The following GRIA3 variants were observed in gnomAD, a reference collection of about 807,000 sequenced individuals.
GRIA3 encodes glutamate ionotropic receptor AMPA type subunit 3.
In GRIA3, 3 loss-of-function variants were observed where a neutral mutation model predicts 63.0. That is an observed-to-expected ratio of 0.05 (90% confidence interval 0.02 to 0.12). The LOEUF (loss-of-function observed/expected upper bound fraction) is 0.12, where lower values mean the gene tolerates loss of function less well. Ranked by LOEUF, GRIA3 falls within the 10% of genes least tolerant of loss-of-function variation. The pLI is 1.00. For synonymous variants in GRIA3, 274 were observed against 257.9 expected, an observed-to-expected ratio of 1.06 and a Z score of -0.60; for missense variants, 347 against 700.9, an observed-to-expected ratio of 0.50 and a Z score of 5.70.
At chrX:123,191,448 C>A (rs911152063) in intron 2 of GRIA3, among the ~76,000 whole-genome samples, 1 of 111,781 alleles carries the variant, frequency 8.9e-6, no homozygotes. Flanking sequence ...AGCCTCAGCC[C>A]GTGTGTGGGA....
At chrX:123,228,864 G>A (rs911812172) in intron 2 of GRIA3, among the ~76,000 whole-genome samples, 1 of 111,873 alleles carries the variant, frequency 8.9e-6, no homozygotes, top group Non-Finnish European at 1.9e-5. Context: ...ATGGAGTGAA[G>A]TTAGGGTTGC....
chrX:123,461,775 C>T (rs770761287), intron 12 of GRIA3, among the ~76,000 whole-genome samples: 1 of 110,793 alleles, frequency 9.0e-6, no homozygotes, highest in East Asian at 2.8e-4. Context: ...GACAAAACAA[C>T]GATGGAGCCT....
intron 1 of GRIA3, 93 bp downstream of exon 1, chrX:123,184,737 G>A: frequency 1.6e-6 from 1 of 643,627 alleles, no homozygotes; most frequent in Non-Finnish European, 2.6e-6. Flanking sequence ...TCCCTGTCCT[G>A]CGTGGCCTGG....
intron 12 of GRIA3, among the ~76,000 whole-genome samples, chrX:123,456,312 G>C (rs1354902964): frequency 9.0e-6 from 1 of 110,930 alleles, no homozygotes; most frequent in African/African-American, 3.3e-5. Flanking sequence ...CACCCAGAAA[G>C]CTTTATGGAA....
At chrX:123,215,093 T>C (rs936848412) in intron 2 of GRIA3, among the ~76,000 whole-genome samples, 5 of 112,197 alleles carry the variant, frequency 4.5e-5, no homozygotes, top group African/African-American at 1.6e-4. Context: ...ATTTCAACAA[T>C]TGATAGTTCG....
At chrX:123,192,687 C>T (rs1322098558) in intron 2 of GRIA3, among the ~76,000 whole-genome samples, 2 of 111,748 alleles carry the variant, frequency 1.8e-5, no homozygotes, top group African/African-American at 3.3e-5. Context: ...TCAACACAAC[C>T]ATCATTTGTC....
chrX:123,467,906 T>C (rs1215522591), intron 13 of GRIA3, among the ~76,000 whole-genome samples: 1 of 112,202 alleles, frequency 8.9e-6, no homozygotes, highest in Non-Finnish European at 1.9e-5. Flanking sequence ...TGCTGCAAAG[T>C]TTTTTATCAA....
intron 2 of GRIA3, chrX:123,204,419 A>T (rs1234835036): frequency 7.8e-6 from 9 of 1,160,228 alleles, no homozygotes; most frequent in Middle Eastern, 2.3e-4. Context: ...GTGAACTGTA[A>T]GATGAGAACA....
intron 4 of GRIA3, among the ~76,000 whole-genome samples, chrX:123,328,651 G>A (rs1261273698): frequency 8.9e-6 from 1 of 112,051 alleles, no homozygotes; most frequent in Non-Finnish European, 1.9e-5. Context: ...GTCCAACAGA[G>A]TAACTGGCAC....
chrX:123,482,912 G>A lies in GRIA3; in HGVS notation c.2553G>A (p.Arg851=), dbSNP rs779538076. ...TGATAGAATTCTGTTACAAATCACG[G>A]GCAGAGTCCAAACGCATGAAACTCA... The part of the protein sequence containing the change: ...VALIEFCYKS[R]AESKRMKLTK... The change falls in exon 15 of 16, where the codon CGG becomes CGA. Residue 851 remains arginine, a synonymous_variant. Coordinates refer to ENST00000620443, the MANE Select transcript of GRIA3 (RefSeq NM_007325.5). 3 of 1,210,588 alleles carry A rather than the reference G, an allele frequency of 2.5e-6. No individual in the cohort carries two copies. The highest frequency in any genetic ancestry group is 3.4e-6 in the Non-Finnish European group (3 of 895,106).
intron 2 of GRIA3, 121 bp from the exon 3 acceptor site, chrX:123,253,182 G>T: frequency 1.2e-6 from 1 of 803,934 alleles, no homozygotes. Context: ...TGGGTTTTCA[G>T]GGGCTTCTTT....
At chrX:123,268,000 G>GA (rs768009015) in intron 3 of GRIA3, among the ~76,000 whole-genome samples, 11 of 111,375 alleles carry the variant, frequency 9.9e-5, no homozygotes, top group Non-Finnish European at 1.7e-4. Flanking sequence ...GGGAGAAAAA[G>GA]AATAGTTTCA....
At chrX:123,460,604 G>T (rs2045787029) in intron 12 of GRIA3, among the ~76,000 whole-genome samples, 2 of 111,720 alleles carry the variant, frequency 1.8e-5, no homozygotes, top group Admixed American at 1.9e-4. Flanking sequence ...TCAGTATCGT[G>T]GTTACTTTTG....
Position 123,253,313 on chromosome X carries a change from G to A in GRIA3, c.279G>A (p.Gln93=). The A allele has an allele frequency of 2.5e-6, 3 of 1,209,399 alleles. No homozygotes were observed. Among genetic ancestry groups the A allele is most frequent in the Non-Finnish European group, 3.4e-6 (3 of 893,449 alleles). The change falls in exon 3 of 16, where the codon CAG becomes CAA. Residue 93 remains glutamine, a synonymous_variant. Coordinates refer to ENST00000620443, the MANE Select transcript of GRIA3 (RefSeq NM_007325.5). ...TTTTTCTCATTGCAGTCTGCTCCCA[G>A]TTCTCGAGAGGGGTGTATGCCATCT... is the stretch of plus-strand genomic sequence containing the variant. ...SFSVTNAFCS[Q]FSRGVYAIFG... is the part of the protein sequence containing the mutation.
At chrX:123,481,373 A>G (rs2045911934) in intron 14 of GRIA3, among the ~76,000 whole-genome samples, 1 of 112,495 alleles carries the variant, frequency 8.9e-6, no homozygotes, top group Non-Finnish European at 1.9e-5. Flanking sequence ...GTTGTTGTGA[A>G]TATGAGGCAT....
At chrX:123,215,030 G>T (rs949680184) in intron 2 of GRIA3, among the ~76,000 whole-genome samples, 2 of 111,934 alleles carry the variant, frequency 1.8e-5, no homozygotes, top group Non-Finnish European at 3.8e-5. Flanking sequence ...CACTGGCAAG[G>T]CTGACTGAAA....
At chrX:123,310,463 T>G (rs2044782524) in intron 3 of GRIA3, among the ~76,000 whole-genome samples, 1 of 113,156 alleles carries the variant, frequency 8.8e-6, no homozygotes, top group African/African-American at 3.2e-5. Context: ...CCAGCCAACC[T>G]TCTTAGTAAT....
chrX:123,332,269 T>C (rs891383810), intron 4 of GRIA3, among the ~76,000 whole-genome samples: 1 of 111,349 alleles, frequency 9.0e-6, no homozygotes, highest in Admixed American at 9.6e-5. Context: ...TCACCTAAAA[T>C]AATTAAAGGC....
chrX:123,462,282 T>G (rs2045797216), intron 12 of GRIA3, among the ~76,000 whole-genome samples: 1 of 111,757 alleles, frequency 8.9e-6, no homozygotes, highest in Non-Finnish European at 1.9e-5. Context: ...CCTCAAAATC[T>G]TCCAATAGTC....
Sources: gnomAD v4.1 joint callset for allele counts (sites outside exome capture counted in the v4.1 genomes callset) on GRCh38, gnomAD v4.1.1 for gene constraint, MANE v1.5 for transcripts, NCBI Gene and HGNC (gene_info 2026-07-23, HGNC 2026-07-21) for gene names.